Variants in SLC25A26 observed in about 807,000 individuals in gnomAD.
The protein encoded by SLC25A26 is mitochondrial S-adenosylmethionine carrier protein.
In SLC25A26, 36 loss-of-function variants were observed where a neutral mutation model predicts 37.8. That is an observed-to-expected ratio of 0.95 (90% CI 0.73 to 1.26). The LOEUF is 1.26. Ranked by LOEUF, SLC25A26 falls within the 50% of genes most tolerant of loss-of-function variation. The pLI, the probability that SLC25A26 is intolerant of heterozygous loss-of-function variation, is 0.00. For missense variants in SLC25A26, 390 were observed against 331.1 expected, an observed-to-expected ratio of 1.18 and a Z score of -1.38; for synonymous variants, 129 against 122.5, an observed-to-expected ratio of 1.05 and a Z score of -0.35.
In SLC25A26 at chr3:66,309,862, G is replaced by A. The variant is rs189776159; in HGVS notation, c.454-36502G>A. Among the ~76,000 whole-genome samples the A allele has an allele frequency of 3.3e-3, 457 of 139,410 alleles. 3 individuals carry two copies. The highest frequency in any genetic ancestry group is 0.017 in the East Asian group (85 of 5,124). 91.5% of individuals were successfully genotyped at this position (139,410 alleles called of 152,430 possible). ...AATTTGATTGCACTGTGGTCTGAGA[G>A]ACTGTTTGTTATGATTTCCATTATT... is the stretch of plus-strand genomic sequence containing the variant. On this transcript the variant is annotated intron_variant, in intron 5 of 9. Transcript: ENST00000354883.
At chr3:66,242,990 T>C (rs1482581766) in intron 2 of SLC25A26, among the ~76,000 whole-genome samples, 1 of 152,220 alleles carries the variant, frequency 6.6e-6, no homozygotes, top group Non-Finnish European at 1.5e-5. Flanking sequence ...AGGTGTTATA[T>C]TTTCTGCATT....
At chr3:66,141,060 C>G (rs1207570431) in intron 1 of SLC25A26, among the ~76,000 whole-genome samples, 1 of 151,794 alleles carries the variant, frequency 6.6e-6, no homozygotes, top group Non-Finnish European at 1.5e-5. Flanking sequence ...GACACACACA[C>G]ACACACACAC....
chr3:66,139,789 G>A (rs572827352), intron 1 of SLC25A26, among the ~76,000 whole-genome samples: 5 of 152,194 alleles, frequency 3.3e-5, no homozygotes, highest in Admixed American at 2.0e-4. Flanking sequence ...CACACTAAGC[G>A]CTAAAGCCGT....
chr3:66,310,569 A>G (rs1430774814), intron 5 of SLC25A26, among the ~76,000 whole-genome samples: 1 of 152,142 alleles, frequency 6.6e-6, no homozygotes, highest in African/African-American at 2.4e-5. Flanking sequence ...ACATTAGTTG[A>G]TGCAGTTTCT....
chr3:66,143,074 C>T (rs2106671399), intron 1 of SLC25A26, among the ~76,000 whole-genome samples: 1 of 152,042 alleles, frequency 6.6e-6, no homozygotes, highest in East Asian at 1.9e-4. Context: ...CCTAAGCTGT[C>T]TTTTATTGCA....
intron 1 of SLC25A26, among the ~76,000 whole-genome samples, chr3:66,152,648 T>C (rs2070223848): frequency 6.6e-6 from 1 of 152,164 alleles, no homozygotes. Context: ...AGAAAAGGTC[T>C]AGTCTTAACT....
At chr3:66,367,217 G>C (rs1444339171) in intron 7 of SLC25A26, among the ~76,000 whole-genome samples, 2 of 152,152 alleles carry the variant, frequency 1.3e-5, no homozygotes, top group Non-Finnish European at 2.9e-5. Context: ...CAAACATGTT[G>C]CGTAGGCCCA....
intron 1 of SLC25A26, among the ~76,000 whole-genome samples, chr3:66,175,128 TATATATATATATACAC>T (rs766398799): frequency 1.1e-5 from 1 of 92,888 alleles, no homozygotes; most frequent in African/African-American, 4.4e-5. Flanking sequence ...TATATATATA[TATATATATATATACAC>T]ACACACACAC....
At chr3:66,238,100 CA>C (rs1250089609) in intron 2 of SLC25A26, among the ~76,000 whole-genome samples, 3 of 152,182 alleles carry the variant, frequency 2.0e-5, no homozygotes, top group African/African-American at 7.2e-5. Context: ...CCATGCCAAG[CA>C]TAGTTTTAAG....
intron 5 of SLC25A26, among the ~76,000 whole-genome samples, chr3:66,332,329 A>T (rs568286738): frequency 4.5e-4 from 68 of 152,278 alleles, no homozygotes; most frequent in African/African-American, 1.3e-3. Context: ...CATACTTTCA[A>T]TTCAGTCCTT....
chr3:66,167,952 G>A (rs1372151054), intron 1 of SLC25A26, among the ~76,000 whole-genome samples: 2 of 151,784 alleles, frequency 1.3e-5, no homozygotes, highest in African/African-American at 2.4e-5. Context: ...TTGGGAGTTC[G>A]AGGCCAGCCT....
intron 1 of SLC25A26, among the ~76,000 whole-genome samples, chr3:66,236,006 G>T (rs1345033104): frequency 6.6e-6 from 1 of 152,104 alleles, no homozygotes; most frequent in African/African-American, 2.4e-5. Context: ...TGAACTCCTA[G>T]GCTCAAGTTA....
chr3:66,233,284 C>T (rs575561761), intron 1 of SLC25A26, among the ~76,000 whole-genome samples: 97 of 152,326 alleles, frequency 6.4e-4, no homozygotes, highest in African/African-American at 2.2e-3. Flanking sequence ...ACACTTCATA[C>T]GTTTATTAAC....
chr3:66,227,424 TGAG>T (rs953902822), intron 1 of SLC25A26, among the ~76,000 whole-genome samples: 22 of 152,204 alleles, frequency 1.4e-4, no homozygotes, highest in African/African-American at 5.3e-4. Flanking sequence ...TACTGGGAGA[TGAG>T]GTAACAACTA....
At chr3:66,324,470 T>C (rs556943673) in intron 5 of SLC25A26, among the ~76,000 whole-genome samples, 26 of 152,064 alleles carry the variant, frequency 1.7e-4, no homozygotes, top group South Asian at 8.3e-4. Flanking sequence ...ATGGGAGCAA[T>C]TGGGGAGGTT....
chr3:66,375,919 C>T (rs1700621637), intron 9 of SLC25A26, among the ~76,000 whole-genome samples: 1 of 151,634 alleles, frequency 6.6e-6, no homozygotes, highest in Admixed American at 6.6e-5. Context: ...TGGAAGCCTT[C>T]TAGAAAGGAG....
intron 1 of SLC25A26, among the ~76,000 whole-genome samples, chr3:66,146,382 T>C (rs2070115125): frequency 6.6e-6 from 1 of 151,880 alleles, no homozygotes; most frequent in African/African-American, 2.4e-5. Context: ...ATTCCACTTT[T>C]GCTATATAAA....
intron 1 of SLC25A26, among the ~76,000 whole-genome samples, chr3:66,199,393 T>C (rs1312342629): frequency 1.3e-5 from 2 of 151,990 alleles, no homozygotes; most frequent in Non-Finnish European, 2.9e-5. Flanking sequence ...TAAACCTCAC[T>C]GTCACTCTCA....
chr3:66,137,453 C>T (rs945941947), intron 1 of SLC25A26, among the ~76,000 whole-genome samples: 3 of 152,104 alleles, frequency 2.0e-5, no homozygotes, highest in Non-Finnish European at 2.9e-5. Flanking sequence ...GTCTCAAACT[C>T]CTGACCACAG....
Sources: allele counts gnomAD v4.1 joint callset (sites outside exome capture counted in the v4.1 genomes callset), GRCh38; gene constraint gnomAD v4.1.1; transcripts MANE v1.5; gene names NCBI Gene and HGNC (gene_info 2026-07-23, HGNC 2026-07-21).